Variants in SLC39A14 observed in about 807,000 individuals in gnomAD.
The protein encoded by SLC39A14 is solute carrier family 39 member 14.
SLC39A14 carries 19 observed loss-of-function variants against 45.5 expected under a neutral mutation model. The ratio of observed to expected loss-of-function variants is 0.42; its 90% confidence interval spans 0.29 to 0.61. SLC39A14 has a LOEUF of 0.61. Among genes scored for constraint, SLC39A14 ranks in the 20% least tolerant of loss-of-function variants. The pLI, the probability that SLC39A14 is intolerant of heterozygous loss-of-function variation, is 0.22. For missense variants in SLC39A14, 447 were observed against 616.5 expected, an observed-to-expected ratio of 0.73 and a Z score of 2.91; for synonymous variants, 264 against 251.3, an observed-to-expected ratio of 1.05 and a Z score of -0.48.
chr8:22,425,895 TTTTTG>T (rs1563637030), downstream of SLC39A14, among the ~76,000 whole-genome samples: 28 of 79,914 alleles, frequency 3.5e-4, 1 homozygote, highest in South Asian at 3.5e-3. Flanking sequence ...TTTTGTTTTT[TTTTTG>T]TTTTTTTTTG....
chr8:22,431,666 T>A (rs1395300278), intron 8 of SLC39A14, among the ~76,000 whole-genome samples: 1 of 152,204 alleles, frequency 6.6e-6, no homozygotes, highest in Non-Finnish European at 1.5e-5. Context: ...GAAATGATAG[T>A]TAAACATGAA....
Position 22,420,996 on chromosome 8 carries a change from C to A in SLC39A14, c.*1298C>A. 2.0e-6 allele frequency: 2 copies of A among 985,890 alleles called. No individual in the cohort carries two copies. The highest frequency in any genetic ancestry group is 2.4e-6 in the Non-Finnish European group (2 of 829,928). The allele number at this position is 985,890 out of a possible 1,614,324, so 61.1% of individuals were successfully genotyped here. On this transcript the variant is annotated 3_prime_UTR_variant, in exon 9 of 9. Coordinates refer to ENST00000381237, the MANE Select transcript of SLC39A14 (RefSeq NM_001128431.4). ...ACTTGTCTTTAAAACTGTAGGCCAG[C>A]CTTAGCCACTGTGGAGCCCTTGCCT...
At chr8:22,368,921 G>T (rs1368064451) in intron 1 of SLC39A14, among the ~76,000 whole-genome samples, 1 of 152,116 alleles carries the variant, frequency 6.6e-6, no homozygotes. Flanking sequence ...CCGGGACGCA[G>T]CTCCTGAAAA....
intron 8 of SLC39A14, among the ~76,000 whole-genome samples, chr8:22,432,388 T>C (rs200083108): frequency 7.7e-6 from 1 of 130,406 alleles, no homozygotes; most frequent in Non-Finnish European, 1.7e-5. Context: ...TTCCTTCTTT[T>C]TCTTTCACTC....
intron 1 of SLC39A14, among the ~76,000 whole-genome samples, chr8:22,393,418 G>A (rs1277741278): frequency 6.6e-6 from 1 of 152,118 alleles, no homozygotes; most frequent in African/African-American, 2.4e-5. Flanking sequence ...GGTGTTCTTT[G>A]GGTGAGTGGG....
rs1273149538 is a variant in SLC39A14 at position 22,420,091 on chromosome 8, CAA to C, written c.*394_*395del. 9.1e-6 allele frequency: 9 copies of C among 992,938 alleles called. No individual in the cohort carries two copies. Among genetic ancestry groups the C allele is most frequent in the African/African-American group, 1.7e-5 (1 of 57,490 alleles). 61.5% of individuals were successfully genotyped at this position (992,938 alleles called of 1,614,324 possible). On this transcript the variant is annotated 3_prime_UTR_variant, in exon 9 of 9. Transcript: ENST00000381237. The stretch of plus-strand genomic sequence containing the variant: ...ATGGTTATAACTTGGCTAGAAATAT[CAA>C]GAGTTGAATCCATAGTGTGGGGCCC...
intron 8 of SLC39A14, among the ~76,000 whole-genome samples, chr8:22,429,503 A>G (rs894284217): frequency 6.6e-6 from 1 of 152,276 alleles, no homozygotes; most frequent in Non-Finnish European, 1.5e-5. Flanking sequence ...CTGTACTAGT[A>G]GTAATTAACA....
chr8:22,396,764 G>A (rs1027510863), intron 1 of SLC39A14, among the ~76,000 whole-genome samples: 8 of 151,660 alleles, frequency 5.3e-5, no homozygotes, highest in African/African-American at 1.9e-4. Flanking sequence ...AACTGAAGAG[G>A]AAAAAGACTT....
At chr8:22,396,119 C>G (rs1277058025) in intron 1 of SLC39A14, among the ~76,000 whole-genome samples, 1 of 151,916 alleles carries the variant, frequency 6.6e-6, no homozygotes, top group African/African-American at 2.4e-5. Context: ...GTAATCCCAG[C>G]ACTTTGGGAG....
chr8:22,380,286 GGACA>G (rs1393318127), intron 1 of SLC39A14, among the ~76,000 whole-genome samples: 2 of 152,260 alleles, frequency 1.3e-5, no homozygotes, highest in East Asian at 3.9e-4. Context: ...GATGGGCAGG[GGACA>G]GATTGTGGTA....
intron 1 of SLC39A14, among the ~76,000 whole-genome samples, chr8:22,401,543 C>CTTTTTTTTTTTTTTTTTTT (rs71544899): frequency 7.1e-5 from 6 of 84,056 alleles, no homozygotes; most frequent in Non-Finnish European, 8.1e-5. Flanking sequence ...TCTTCTCTTT[C>CTTTTTTTTTTTTTTTTTTT]TTTTTTTTTT....
At chr8:22,392,192 C>T (rs1586678148) in intron 1 of SLC39A14, among the ~76,000 whole-genome samples, 1 of 152,166 alleles carries the variant, frequency 6.6e-6, no homozygotes, top group African/African-American at 2.4e-5. Flanking sequence ...AACCAGAATT[C>T]AGGACTAAGT....
chr8:22,405,599 A>G lies in SLC39A14; in HGVS notation c.270+619A>G, dbSNP rs1182038349. Among the ~76,000 whole-genome samples, 9 of 152,328 alleles carry G rather than the reference A, an allele frequency of 5.9e-5. No individual in the cohort carries two copies. The East Asian group carries it at 1.7e-3, about 29-fold the overall frequency. On this transcript the variant is annotated intron_variant, in intron 2 of 8. Coordinates refer to ENST00000381237, the MANE Select transcript of SLC39A14 (RefSeq NM_001128431.4). Reference sequence around the variant, plus strand: ...CAGCGCCGCACTTGAGTCACTCAGAAATACTGAGAAAACACGGCTCCCAGG... The same window carrying G: ...CAGCGCCGCACTTGAGTCACTCAGAGATACTGAGAAAACACGGCTCCCAGG...
rs200874193 is a variant in SLC39A14, at chr8:22,415,931, G to A, written c.913G>A (p.Val305Ile). The change falls in exon 6 of 9, where the codon GTC becomes ATC. Residue 305 changes from valine (V) to isoleucine (I), a missense_variant. By Grantham distance (29) the Val-to-Ile change is conservative. Around this residue, in one of 2 missense-constraint regions of SLC39A14, gnomAD observed 342 missense variants for 428.1 expected, o/e 0.80. Coordinates refer to ENST00000381237, the MANE Select transcript of SLC39A14 (RefSeq NM_001128431.4). Reference sequence around the variant, plus strand: ...CAAGGCGCCCATGGTGGACGAGAAGGTCATTGTGGGCTCGCTCTCTGTGCA... The same window carrying A: ...CAAGGCGCCCATGGTGGACGAGAAGATCATTGTGGGCTCGCTCTCTGTGCA... The part of the protein sequence containing the change: ...DGKAPMVDEK[V>I]IVGSLSVQDL... 1 of 1,606,996 alleles carries A rather than the reference G, an allele frequency of 6.2e-7. No homozygotes were observed. The highest frequency in any genetic ancestry group is 1.3e-5 in the African/African-American group (1 of 74,632).
At chr8:22,416,586 G>A (rs1438828681) in intron 7 of SLC39A14, among the ~76,000 whole-genome samples, 2 of 151,542 alleles carry the variant, frequency 1.3e-5, no homozygotes, top group African/African-American at 2.4e-5. Context: ...CACCACACTC[G>A]GCTAAATTTT....
intron 1 of SLC39A14, among the ~76,000 whole-genome samples, chr8:22,378,083 T>C (rs1203332618): frequency 6.6e-6 from 1 of 152,180 alleles, no homozygotes; most frequent in Non-Finnish European, 1.5e-5. Flanking sequence ...CCACTACCAC[T>C]CATTTCCATA....
intron 1 of SLC39A14, among the ~76,000 whole-genome samples, chr8:22,402,495 CACGGTGGCAT>C (rs1278144626): frequency 3.9e-5 from 6 of 152,314 alleles, no homozygotes; most frequent in Admixed American, 2.0e-4. Context: ...TCTGGCCGGG[CACGGTGGCAT>C]ACGCCTACAA....
intron 4 of SLC39A14, among the ~76,000 whole-genome samples, chr8:22,412,688 A>G (rs1275658935): frequency 6.6e-6 from 1 of 152,176 alleles, no homozygotes; most frequent in East Asian, 1.9e-4. Context: ...TCACACCTAT[A>G]TTCCCAGCAC....
rs1835721315 is a variant in SLC39A14 at position 22,413,837 on chromosome 8, C to T, written c.628-943C>T. ...TCACCCAGACTGGAGTGCAGTGGTG[C>T]CATCTCGGCTCACTGCAATCTCTGC... On this transcript the variant is annotated intron_variant, in intron 4 of 8. Coordinates refer to ENST00000381237, the MANE Select transcript of SLC39A14 (RefSeq NM_001128431.4). Among the ~76,000 whole-genome samples the T allele has an allele frequency of 2.0e-5, 3 of 152,250 alleles. No homozygotes were observed. In the South Asian group the frequency reaches 6.2e-4, roughly 32 times the overall value.
Sources: allele counts gnomAD v4.1 joint callset (sites outside exome capture counted in the v4.1 genomes callset), GRCh38; gene constraint gnomAD v4.1.1; regional missense constraint gnomAD v4.1.1; transcripts MANE v1.5; gene names NCBI Gene and HGNC (gene_info 2026-07-23, HGNC 2026-07-21).